STAB2: variants seen among roughly 807,000 people sequenced by gnomAD.
The protein encoded by STAB2 is stabilin-2.
A neutral mutation model predicts 338.1 loss-of-function variants in STAB2; 288 were observed. That is an observed-to-expected ratio of 0.85 (90% confidence interval 0.77 to 0.94). STAB2 has a LOEUF of 0.94. Among genes scored for constraint, STAB2 ranks in the 40% least tolerant of loss-of-function variants. The pLI is 0.00. For missense variants in STAB2, 3,141 were observed against 3,210.1 expected, an observed-to-expected ratio of 0.98 and a Z score of 0.52; for synonymous variants, 1,202 against 1,193.3, an observed-to-expected ratio of 1.01 and a Z score of -0.15.
intron 31 of STAB2, among the ~76,000 whole-genome samples, chr12:103,694,144 C>T (rs573539349): frequency 6.6e-6 from 1 of 152,246 alleles, no homozygotes; most frequent in South Asian, 2.1e-4. Flanking sequence ...CATAAAGGTG[C>T]CTGGCCAGAG....
intron 13 of STAB2, 106 bp from the exon 14 acceptor site, chr12:103,655,145 C>T: frequency 9.4e-7 from 1 of 1,060,398 alleles, no homozygotes; most frequent in Non-Finnish European, 1.4e-6. Flanking sequence ...TATATAAATC[C>T]ATACTGACAC....
At chr12:103,673,544 T>C (rs1876030373) in intron 22 of STAB2, among the ~76,000 whole-genome samples, 1 of 152,116 alleles carries the variant, frequency 6.6e-6, no homozygotes, top group Non-Finnish European at 1.5e-5. Context: ...AGACAGGGTT[T>C]CACCATGTTG....
rs1013990322 is a variant in STAB2 at position 103,587,404 on chromosome 12, T to G, written c.-73T>G. On this transcript the variant is annotated 5_prime_UTR_variant, in exon 1 of 69. Coordinates refer to ENST00000388887, the MANE Select transcript of STAB2 (RefSeq NM_017564.10). ...AAATGAGAAAGAATTCACTGGGAGT[T>G]TATCAAACTAAGTTAAAATAGCTAA... 8.2e-6 allele frequency: 10 copies of G among 1,215,952 alleles called. No homozygotes were observed. The Admixed American group carries it at 9.9e-5, about 12-fold the overall frequency. The allele number at this position is 1,215,952 out of a possible 1,614,324, so 75.3% of individuals were successfully genotyped here. A position where few individuals can be genotyped will look rare whatever the true frequency, so the allele number is the denominator to read the frequency against.
chr12:103,706,352 G>A (rs1263946821), intron 37 of STAB2, among the ~76,000 whole-genome samples: 2 of 152,132 alleles, frequency 1.3e-5, no homozygotes, highest in Non-Finnish European at 2.9e-5. Flanking sequence ...AGATTGGTTT[G>A]TAAAATGCCA....
At chr12:103,604,914 C>T (rs1957004783) in intron 3 of STAB2, among the ~76,000 whole-genome samples, 5 of 150,174 alleles carry the variant, frequency 3.3e-5, no homozygotes, top group Admixed American at 2.7e-4. Flanking sequence ...AACTTCTTTA[C>T]CTTAAGTTGT....
At chr12:103,756,996 A>AATATATATATATATAT (rs869105400) in intron 63 of STAB2, among the ~76,000 whole-genome samples, 78 of 56,260 alleles carry the variant, frequency 1.4e-3, no homozygotes, top group African/African-American at 4.9e-3. Flanking sequence ...AAGGAGGGAA[A>AATATATATATATATAT]ATATATATAT....
intron 33 of STAB2, among the ~76,000 whole-genome samples, chr12:103,698,764 C>T (rs534947734): frequency 9.4e-4 from 143 of 152,246 alleles, no homozygotes; most frequent in Middle Eastern, 3.4e-3. Flanking sequence ...GAAAGGCAGG[C>T]TGGGGTGTGG....
rs1957251644 is a variant in STAB2 at position 103,618,816 on chromosome 12, G to T, written c.332-1652G>T. 2.0e-5 allele frequency among the ~76,000 whole-genome samples: 3 copies of T among 152,060 alleles called. No homozygotes were observed. In the South Asian group the frequency reaches 6.2e-4, roughly 32 times the overall value. ...CCTTTATTATTATTGATATGGCTTG[G>T]CTCTGTGTCCCCACCCAGTCTCACC... On this transcript the variant is annotated intron_variant, in intron 3 of 68. Transcript: ENST00000388887.
intron 30 of STAB2, among the ~76,000 whole-genome samples, chr12:103,690,920 A>G (rs531517999): frequency 6.6e-6 from 1 of 152,386 alleles, no homozygotes; most frequent in South Asian, 2.1e-4. Context: ...ATCTTTATAG[A>G]GTTGAGTCTA....
At chr12:103,765,514 C>T (rs1046856809) in intron 68 of STAB2, among the ~76,000 whole-genome samples, 1 of 152,158 alleles carries the variant, frequency 6.6e-6, no homozygotes, top group Non-Finnish European at 1.5e-5. Context: ...TTGACAAAGC[C>T]TGGGTGCCAG....
intron 18 of STAB2, among the ~76,000 whole-genome samples, chr12:103,664,160 T>A (rs1343784029): frequency 6.6e-6 from 1 of 152,250 alleles, no homozygotes; most frequent in African/African-American, 2.4e-5. Context: ...TTATTTTGTT[T>A]TGAGACAGAG....
intron 55 of STAB2, 28 bp downstream of exon 55, chr12:103,740,784 C>T: frequency 5.2e-6 from 8 of 1,544,122 alleles, no homozygotes; most frequent in Non-Finnish European, 6.9e-6. Context: ...CCCCTCGCAA[C>T]TCTAAAAGTG....
At chr12:103,742,263 ACGT>A in intron 55 of STAB2, 139 bp from the exon 56 acceptor site, 1 of 1,038,828 alleles carries the variant, frequency 9.6e-7, no homozygotes, top group Non-Finnish European at 1.4e-6. Flanking sequence ...TAGGCCAGTG[ACGT>A]GCCTTAAATA....
intron 64 of STAB2, 87 bp downstream of exon 64, chr12:103,758,376 C>T: frequency 6.3e-7 from 1 of 1,579,964 alleles, no homozygotes; most frequent in South Asian, 1.1e-5. Flanking sequence ...CCTGAAAACT[C>T]AGTGGCTACA....
chr12:103,746,829 C>A (rs1239572856), intron 58 of STAB2, 125 bp downstream of exon 58: 2 of 809,142 alleles, frequency 2.5e-6, no homozygotes, highest in Non-Finnish European at 4.2e-6. Flanking sequence ...AGCACCTACC[C>A]TCTCTATGAC....
intron 30 of STAB2, among the ~76,000 whole-genome samples, chr12:103,691,971 A>T (rs2138913388): frequency 6.6e-6 from 1 of 152,330 alleles, no homozygotes; most frequent in East Asian, 1.9e-4. Flanking sequence ...CATAGCCTCA[A>T]AAAGTAGTTG....
rs138286931 is a variant in STAB2, at chr12:103,704,331, A to C, written c.3844-227A>C. ...AAAGAATTTGGACTTAAATGAGATA[A>C]GGTCACACTTTAAAGAGTTAGCAGA... On this transcript the variant is annotated intron_variant, in intron 35 of 68. Coordinates refer to ENST00000388887, the MANE Select transcript of STAB2 (RefSeq NM_017564.10). Among the ~76,000 whole-genome samples, 458 of 152,318 alleles carry C rather than the reference A, an allele frequency of 3.0e-3. 2 individuals carry two copies. Among genetic ancestry groups the C allele is most frequent in the African/African-American group, 0.011 (441 of 41,560 alleles).
intron 3 of STAB2, among the ~76,000 whole-genome samples, chr12:103,620,024 G>C (rs558166226): frequency 7.3e-4 from 111 of 152,268 alleles, no homozygotes; most frequent in African/African-American, 2.6e-3. Flanking sequence ...TCAATACCCT[G>C]TCTAGCACAC....
intron 45 of STAB2, among the ~76,000 whole-genome samples, chr12:103,725,670 G>A (rs770875532): frequency 1.2e-4 from 18 of 152,190 alleles, no homozygotes; most frequent in Non-Finnish European, 1.9e-4. Context: ...GTGTGCATGT[G>A]TGTGTGTACT....
Sources: allele counts gnomAD v4.1 joint callset (sites outside exome capture counted in the v4.1 genomes callset), GRCh38; gene constraint gnomAD v4.1.1; transcripts MANE v1.5; gene names NCBI Gene and HGNC (gene_info 2026-07-23, HGNC 2026-07-21).